Variants in ATAD3B observed in about 807,000 individuals in gnomAD.
ATAD3B encodes the protein ATPase family AAA domain-containing protein 3B.
A neutral mutation model predicts 70.2 loss-of-function variants in ATAD3B; 59 were observed. The ratio of observed to expected loss-of-function variants is 0.84; its 90% CI spans 0.68 to 1.04. The LOEUF (loss-of-function observed/expected upper bound fraction) is 1.04. Among genes scored for constraint, ATAD3B ranks in the 50% least tolerant of loss-of-function variants. The pLI is 0.00. For missense variants in ATAD3B, 961 were observed against 913.4 expected (o/e 1.05, Z -0.67); for synonymous variants, 423 against 388.6 (o/e 1.09, Z -1.04).
At chr1:1,491,948 G>A (rs1322063067) in intron 15 of ATAD3B, among the ~76,000 whole-genome samples, 1 of 151,894 alleles carries the variant, frequency 6.6e-6, no homozygotes, top group Non-Finnish European at 1.5e-5. Context: ...CATTTGGGGA[G>A]GCCAAGTCAG....
chr1:1,492,592 C>T lies in ATAD3B; in HGVS notation c.1614+1921C>T, dbSNP rs773793894. ...GTTGGATCACTTGAGGTCAGGAGTT[C>T]GAGGCCAGCCTGGCCAGTGTGCCGA... On this transcript the variant is annotated intron_variant, in intron 15 of 15. Coordinates refer to ENST00000673477, the MANE Select transcript of ATAD3B (RefSeq NM_031921.6). Among the ~76,000 whole-genome samples, 5 of 150,562 alleles carry T rather than the reference C, an allele frequency of 3.3e-5. No individual in the cohort carries two copies. The East Asian group carries it at 5.9e-4, about 18-fold the overall frequency.
At position 1,495,807 on chromosome 1, in the gene ATAD3B, C is replaced by A. The variant is rs200835805; in HGVS notation, c.1937C>A (p.Pro646His). The change falls in exon 16 of 16, where the codon CCC becomes CAC. Residue 646 changes from proline (P) to histidine (H), a missense_variant. Pro to His is a moderately conservative substitution (Grantham distance 77). Coordinates refer to ENST00000673477, the MANE Select transcript of ATAD3B (RefSeq NM_031921.6). ...CGGCCGTTCTGCCCCCCAGGGCACC[C>A]CCTGTTGTAGGCACTGGCTAGGGAG... Reference protein sequence around the residue: ...GGRPFCPPGHPLL With the variant: ...GGRPFCPPGHHLL The A allele has an allele frequency of 6.2e-5, 99 of 1,584,112 alleles. No individual in the cohort carries two copies. The highest frequency in any genetic ancestry group is 8.4e-5 in the Non-Finnish European group (98 of 1,165,064).
intron 7 of ATAD3B, chr1:1,484,782 T>G: frequency 2.5e-6 from 3 of 1,201,972 alleles, no homozygotes; most frequent in Non-Finnish European, 3.4e-6. Context: ...GGATTTATGC[T>G]GCCAGTTGCA....
Position 1,479,885 on chromosome 1 carries a change from G to T in ATAD3B, c.444+777G>T, listed in dbSNP as rs1639812659. Reference sequence around the variant, plus strand: ...GGGCCTGCACACACACCCCCACACGGGCATGCACACGCCCACACACACGGG... The same window carrying T: ...GGGCCTGCACACACACCCCCACACGTGCATGCACACGCCCACACACACGGG... On this transcript the variant is annotated intron_variant, in intron 4 of 15. Coordinates refer to ENST00000673477, the MANE Select transcript of ATAD3B (RefSeq NM_031921.6). Among the ~76,000 whole-genome samples, 2 of 129,636 alleles carry T rather than the reference G, an allele frequency of 1.5e-5. 1 individual carries two copies. Among genetic ancestry groups the T allele is most frequent in the Non-Finnish European group, 3.3e-5 (2 of 61,336 alleles). The allele number at this position is 129,636 out of a possible 152,430, so 85.0% of individuals were successfully genotyped here. A position where few individuals can be genotyped will look rare whatever the true frequency, so the allele number is the denominator to read the frequency against.
In ATAD3B at chr1:1,484,730, C is replaced by G. The variant is rs1640107821; in HGVS notation, c.751-286C>G. ...GAGGGTGTGGCCCTGTGACATCCAG[C>G]TGGGTCTGCCCAGGGCCCCGCTCAG... On this transcript the variant is annotated intron_variant, in intron 7 of 15. Coordinates refer to ENST00000673477, the MANE Select transcript of ATAD3B (RefSeq NM_031921.6). The G allele has an allele frequency of 7.6e-6, 5 of 659,376 alleles. No individual in the cohort carries two copies. The South Asian group carries it at 1.2e-4, about 16-fold the overall frequency. 40.8% of individuals were successfully genotyped at this position (659,376 alleles called of 1,614,324 possible).
At chr1:1,509,462 C>G in the ATAD3B span, 1 of 1,583,052 alleles carries the variant, frequency 6.3e-7, no homozygotes, top group African/African-American at 1.4e-5. Flanking sequence ...CCCACGGGGG[C>G]CGCACCGCTG....
At chr1:1,506,758 C>A in the ATAD3B span, among the ~76,000 whole-genome samples, 1 of 149,876 alleles carries the variant, frequency 6.7e-6, no homozygotes, top group Non-Finnish European at 1.5e-5. Context: ...GTTGTTTTTT[C>A]CAATATGGAT....
chr1:1,490,248 G>C lies in ATAD3B; in HGVS notation c.1338-9G>C, dbSNP rs754012626. On this transcript the variant is annotated splice_polypyrimidine_tract_variant and intron_variant, in intron 13 of 15. Coordinates refer to ENST00000673477, the MANE Select transcript of ATAD3B (RefSeq NM_031921.6). ...CCCCAGCGTTTCCTTCCCCATCCCT[G>C]TCCTACAGATTCATGCTGGTCCTGG... 7 of 1,610,994 alleles carry C rather than the reference G, an allele frequency of 4.3e-6. No individual in the cohort carries two copies. Among genetic ancestry groups the C allele is most frequent in the Middle Eastern group, 1.7e-4 (1 of 6,056 alleles).
In ATAD3B at chr1:1,472,046, C is replaced by T. The variant is rs908315379; in HGVS notation, c.162C>T (p.Gly54=). The T allele has an allele frequency of 8.1e-6, 10 of 1,228,386 alleles. No individual in the cohort carries two copies. Among genetic ancestry groups the T allele is most frequent in the Non-Finnish European group, 1.0e-5 (10 of 982,932 alleles). 76.1% of individuals were successfully genotyped at this position (1,228,386 alleles called of 1,614,324 possible). The part of the protein sequence containing the change: ...KDKWSNFDPT[G]LERAAKAARE... ...AATGGAGCAACTTCGACCCCACCGGCCTGGAGCGCGCCGCCAAGGCGGCGC... is the reference window on the plus strand; with the variant it reads ...AATGGAGCAACTTCGACCCCACCGGTCTGGAGCGCGCCGCCAAGGCGGCGC... The change falls in exon 1 of 16, where the codon GGC becomes GGT. Residue 54 remains glycine (G), a synonymous_variant. Transcript: ENST00000673477.
chr1:1,498,726 G>A (rs527681106), downstream of ATAD3B, among the ~76,000 whole-genome samples: 9 of 150,554 alleles, frequency 6.0e-5, no homozygotes, highest in South Asian at 6.4e-4. Flanking sequence ...TTTTTCAGAC[G>A]GAGTCTCACT....
At chr1:1,489,517 C>G (rs1302852162) in intron 13 of ATAD3B, 1 of 987,232 alleles carries the variant, frequency 1.0e-6, no homozygotes, top group African/African-American at 1.7e-5. Flanking sequence ...CGCCGCCGCC[C>G]CAGCTTGCAG....
At position 1,482,305 on chromosome 1, in the gene ATAD3B, T is replaced by G. The variant is rs750963805; in HGVS notation, c.680+2T>G. On this transcript the variant is annotated splice_donor_variant, in intron 6 of 15. Coordinates refer to ENST00000673477, the MANE Select transcript of ATAD3B (RefSeq NM_031921.6). LOFTEE classifies it high-confidence loss of function. ...TCAGACCGTCTTGGAGTCCATCAGG[T>G]GAGCACTGCCCAGGCCCGGGCCGGC... 18 of 1,590,760 alleles carry G rather than the reference T, an allele frequency of 1.1e-5. No individual in the cohort carries two copies. The highest frequency in any genetic ancestry group is 1.5e-5 in the Non-Finnish European group (18 of 1,173,986).
downstream of ATAD3B, among the ~76,000 whole-genome samples, chr1:1,502,024 G>A (rs1329279090): frequency 2.0e-5 from 3 of 151,674 alleles, no homozygotes; most frequent in Admixed American, 6.6e-5. Flanking sequence ...GATTACAGGC[G>A]TCCACCACCA....
downstream of ATAD3B, among the ~76,000 whole-genome samples, chr1:1,499,232 A>G (rs1179493660): frequency 3.3e-5 from 5 of 149,780 alleles, no homozygotes; most frequent in Non-Finnish European, 3.0e-5. Context: ...CGACCTCCCA[A>G]AGTGCTGGGA....
At chr1:1,478,266 G>C in intron 2 of ATAD3B, 1 of 716,614 alleles carries the variant, frequency 1.4e-6, no homozygotes, top group Non-Finnish European at 2.2e-6. Flanking sequence ...CAAAGTGCTG[G>C]GATTATAGGC....
chr1:1,491,591 TA>T (rs2100594918), intron 15 of ATAD3B, among the ~76,000 whole-genome samples: 1 of 151,854 alleles, frequency 6.6e-6, no homozygotes, highest in South Asian at 2.1e-4. Context: ...GTCTGTGGGG[TA>T]GAAGGCGCCC....
In ATAD3B at chr1:1,490,373, T is replaced by C. The variant is rs145313947; in HGVS notation, c.1454T>C (p.Val485Ala). ...LPQQEERERLVRLHFDNCVLK... is the reference protein window; with the variant it reads ...LPQQEERERLARLHFDNCVLK... The stretch of plus-strand genomic sequence containing the variant: ...CAGCAGGAGGAGCGGGAGCGCCTGG[T>C]GAGACTGCATTTTGACAACTGTGTT... Residue 485 changes from valine (V) to alanine (A), a missense_variant, in exon 14 of 16, where the codon GTG (valine) becomes GCG (alanine). By Grantham distance (64) the Val-to-Ala change is moderately conservative (BLOSUM62 0). Around this residue, in one of 4 missense-constraint regions of ATAD3B, gnomAD observed 417 missense variants for 335.0 expected, o/e 1.24. Coordinates refer to ENST00000673477, the MANE Select transcript of ATAD3B (RefSeq NM_031921.6). 0.015 allele frequency: 23,723 copies of C among 1,613,422 alleles called. 582 individuals are homozygous for C. Among genetic ancestry groups the C allele is most frequent in the Non-Finnish European group, 0.018 (21,700 of 1,179,646 alleles).
chr1:1,489,064 G>C (rs1640387086), intron 12 of ATAD3B, 140 bp from the exon 13 acceptor site: 1 of 1,452,082 alleles, frequency 6.9e-7, no homozygotes. Flanking sequence ...CCCTGGCCCT[G>C]GTCAGGATTT....
downstream of ATAD3B, among the ~76,000 whole-genome samples, chr1:1,500,799 A>G (rs559235755): frequency 6.8e-6 from 1 of 147,616 alleles, no homozygotes; most frequent in South Asian, 2.2e-4. Flanking sequence ...TAAAAATACA[A>G]AAAAAAAATT....
Sources: gnomAD v4.1 joint callset for allele counts (sites outside exome capture counted in the v4.1 genomes callset) on GRCh38, gnomAD v4.1.1 for gene constraint, gnomAD v4.1.1 regional missense constraint, MANE v1.5 for transcripts, NCBI Gene and HGNC (gene_info 2026-07-23, HGNC 2026-07-21) for gene names.